The following PTGIS variants were observed in gnomAD, a reference collection of about 807,000 sequenced individuals.
The protein encoded by PTGIS is prostacyclin synthase.
A neutral mutation model predicts 50.3 loss-of-function variants in PTGIS; 45 were observed. That is an observed-to-expected ratio of 0.90 (90% CI 0.70 to 1.15). The LOEUF is 1.15. PTGIS is among the 50% of genes most tolerant of loss of function. The pLI is 0.00. For synonymous variants in PTGIS, 260 were observed against 267.7 expected, an observed-to-expected ratio of 0.97 and a Z score of 0.28; for missense variants, 668 against 661.3, an observed-to-expected ratio of 1.01 and a Z score of -0.11.
intron 1 of PTGIS, among the ~76,000 whole-genome samples, chr20:49,567,456 C>T (rs771687737): frequency 6.6e-6 from 1 of 152,200 alleles, no homozygotes; most frequent in Admixed American, 6.5e-5. Context: ...CCCCGTCTTC[C>T]AGACGGGGAA....
At chr20:49,542,918 G>A (rs1434748193) in intron 4 of PTGIS, among the ~76,000 whole-genome samples, 7 of 151,906 alleles carry the variant, frequency 4.6e-5, no homozygotes, top group African/African-American at 7.3e-5. Flanking sequence ...GCCTCCTAGA[G>A]CGATTGTGAG....
chr20:49,515,863 T>C (rs1047353828), intron 6 of PTGIS, among the ~76,000 whole-genome samples: 2 of 151,830 alleles, frequency 1.3e-5, no homozygotes, highest in African/African-American at 2.4e-5. Context: ...AAGAGAAATA[T>C]ACATGAAGAA....
rs368847895 is a variant in PTGIS, at chr20:49,536,729, C to T, written c.673+2841G>A. Among the ~76,000 whole-genome samples the T allele has an allele frequency of 7.2e-5, 11 of 152,160 alleles. No individual in the cohort carries two copies. In the South Asian group the frequency reaches 2.1e-3, roughly 29 times the overall value. On this transcript the variant is annotated intron_variant, in intron 5 of 9. Transcript: ENST00000244043. ...AACTCCTCACCTTAGGTGATCCACC[C>T]GTCACGGCCTCCCAAAGTGCTGGGA...
At chr20:49,536,640 C>T (rs1347685068) in intron 5 of PTGIS, among the ~76,000 whole-genome samples, 4 of 151,912 alleles carry the variant, frequency 2.6e-5, no homozygotes, top group Admixed American at 2.0e-4. Flanking sequence ...ACCACCACGC[C>T]CAGCTAATTT....
In PTGIS at chr20:49,507,405, C is replaced by T. The variant is rs192386024; in HGVS notation, c.*515G>A. 29 of 214,476 alleles carry T rather than the reference C, an allele frequency of 1.4e-4. No individual in the cohort carries two copies. The highest frequency in any genetic ancestry group is 2.1e-4 in the Non-Finnish European group (22 of 105,844). The allele number at this position is 214,476 out of a possible 1,614,324, so 13.3% of individuals were successfully genotyped here. On this transcript the variant is annotated 3_prime_UTR_variant, in exon 10 of 10. Transcript: ENST00000244043. ...ATGGGGCCCCAGGGAAGCAGATCTT[C>T]TAAGGGACTCCTTTGGTTTTAGCTA...
At position 49,540,217 on chromosome 20, in the gene PTGIS, C is replaced by T. The variant is rs1360159555; in HGVS notation, c.522-496G>A. ...AGGCTGATGAGGCTGCAGCAGAGAG[C>T]TCGAGGGGACGGTGCTGAGATGGGG... is the stretch of plus-strand genomic sequence containing the variant. On this transcript the variant is annotated intron_variant, in intron 4 of 9. Coordinates refer to ENST00000244043, the MANE Select transcript of PTGIS (RefSeq NM_000961.4). This position sits in a 1 kb window ranked among gnomAD's most constrained non-coding sequence, Gnocchi z 4.8. Among the ~76,000 whole-genome samples the T allele has an allele frequency of 6.6e-6, 1 of 152,038 alleles. No individual in the cohort carries two copies. The highest frequency in any genetic ancestry group is 2.4e-5 in the African/African-American group (1 of 41,396).
At chr20:49,514,186 C>T (rs184685818) in intron 7 of PTGIS, 41 bp downstream of exon 7, 107 of 1,608,484 alleles carry the variant, frequency 6.7e-5, no homozygotes, top group East Asian at 1.8e-4. Flanking sequence ...TCCATGATGA[C>T]GCAGTCTTAG....
At chr20:49,535,488 A>C (rs1035183059) in intron 5 of PTGIS, among the ~76,000 whole-genome samples, 1 of 152,166 alleles carries the variant, frequency 6.6e-6, no homozygotes, top group Non-Finnish European at 1.5e-5. Flanking sequence ...CAGCCATGTG[A>C]GGGCTAAAAA....
chr20:49,511,455 G>A (rs574820952), intron 8 of PTGIS, among the ~76,000 whole-genome samples: 1 of 152,186 alleles, frequency 6.6e-6, no homozygotes, highest in African/African-American at 2.4e-5. Flanking sequence ...TCTTTTCATG[G>A]CATGTGAATG....
intron 2 of PTGIS, among the ~76,000 whole-genome samples, chr20:49,549,290 C>T (rs193108639): frequency 1.2e-4 from 19 of 152,248 alleles, no homozygotes; most frequent in African/African-American, 3.9e-4. Flanking sequence ...TACATGCATC[C>T]TCCCATATAC....
At position 49,524,191 on chromosome 20, in the gene PTGIS, AG is replaced by A. The variant is rs775530111; in HGVS notation, c.721del (p.Leu241TyrfsTer95). On this transcript the variant is annotated frameshift_variant, in exon 6 of 10. Coordinates refer to ENST00000244043, the MANE Select transcript of PTGIS (RefSeq NM_000961.4). LOFTEE classifies it high-confidence loss of function. ...CSVKSRLWKL[L>X]SPARLARRAH... Reference sequence around the variant, plus strand: ...CCGCCTGGCCAGCCTGGCTGGGGATAGCAGCTTCCACAGGCGACTTTTGACA... The same window carrying A: ...CCGCCTGGCCAGCCTGGCTGGGGATACAGCTTCCACAGGCGACTTTTGACA... The A allele has an allele frequency of 1.3e-5, 21 of 1,614,234 alleles. No individual in the cohort carries two copies. In the African/African-American group the frequency reaches 2.8e-4, roughly 22 times the overall value.
chr20:49,560,049 G>A lies in PTGIS; in HGVS notation c.74+7994C>T, dbSNP rs1056760727. Among the ~76,000 whole-genome samples the A allele has an allele frequency of 1.1e-4, 16 of 151,724 alleles. No individual in the cohort carries two copies. The East Asian group carries it at 2.5e-3, about 24-fold the overall frequency. On this transcript the variant is annotated intron_variant, in intron 1 of 9. Transcript: ENST00000244043. Reference sequence around the variant, plus strand: ...AAGCAATTCTCTGCCTCAGCCTGCCGAGTAGCTGGGATTACAGGCACCCGC... The same window carrying A: ...AAGCAATTCTCTGCCTCAGCCTGCCAAGTAGCTGGGATTACAGGCACCCGC...
At chr20:49,549,565 T>TC (rs1982451892) in intron 2 of PTGIS, among the ~76,000 whole-genome samples, 1 of 152,148 alleles carries the variant, frequency 6.6e-6, no homozygotes, top group East Asian at 1.9e-4. Flanking sequence ...TGGGTAGATC[T>TC]GGGCAGACAC....
At chr20:49,510,905 G>A (rs1224902452) in intron 9 of PTGIS, 123 bp downstream of exon 9, 22 of 865,470 alleles carry the variant, frequency 2.5e-5, no homozygotes, top group Admixed American at 1.3e-4. Flanking sequence ...TGGCTCACGG[G>A]CTGTCCATGT....
chr20:49,544,643 G>A (rs1393214682), intron 3 of PTGIS, among the ~76,000 whole-genome samples, 195 bp from the exon 4 acceptor site: 1 of 152,172 alleles, frequency 6.6e-6, no homozygotes, highest in Admixed American at 6.5e-5. Flanking sequence ...CTGTTATACT[G>A]AGCCTAATCT....
chr20:49,562,926 C>G (rs925328449), intron 1 of PTGIS, among the ~76,000 whole-genome samples: 1 of 152,188 alleles, frequency 6.6e-6, no homozygotes, highest in African/African-American at 2.4e-5. Flanking sequence ...CTCCAGCACT[C>G]AGAACAGTGG....
At chr20:49,537,332 C>T (rs994156972) in intron 5 of PTGIS, among the ~76,000 whole-genome samples, 2 of 152,204 alleles carry the variant, frequency 1.3e-5, no homozygotes, top group African/African-American at 2.4e-5. Context: ...ACACTAAGTA[C>T]GCTCTGCAGC....
rs777991700 is a variant in PTGIS at position 49,550,081 on chromosome 20, G to A, written c.183C>T (p.His61=). The A allele has an allele frequency of 1.1e-5, 18 of 1,614,020 alleles. No individual in the cohort carries two copies. The highest frequency in any genetic ancestry group is 5.5e-5 in the South Asian group (5 of 91,088). Residue 61 remains histidine, a synonymous_variant, in exon 2 of 10, where the codon CAC becomes CAT. Coordinates refer to ENST00000244043, the MANE Select transcript of PTGIS (RefSeq NM_000961.4). ...ASFLTRMKEK[H]GDIFTILVGG... is the part of the protein sequence containing the mutation. Reference sequence around the variant, plus strand: ...AGGCACTTACAGTAAAGATGTCACCGTGCTTCTCCTTCATCCTCGTGAGGA... The same window carrying A: ...AGGCACTTACAGTAAAGATGTCACCATGCTTCTCCTTCATCCTCGTGAGGA...
intron 5 of PTGIS, among the ~76,000 whole-genome samples, chr20:49,528,064 C>T (rs148084228): frequency 0.016 from 2,441 of 152,140 alleles, 54 homozygotes; most frequent in African/African-American, 0.05. Context: ...CACTTGAACC[C>T]GGGAGGTGGA....
Sources: allele counts gnomAD v4.1 joint callset (sites outside exome capture counted in the v4.1 genomes callset), GRCh38; gene constraint gnomAD v4.1.1; non-coding constraint Gnocchi (gnomAD v3.1); transcripts MANE v1.5; gene names NCBI Gene and HGNC (gene_info 2026-07-23, HGNC 2026-07-21).